The following HS6ST3 variants were observed in gnomAD, a reference collection of about 807,000 sequenced individuals.
HS6ST3 encodes the protein heparan sulfate 6-O-sulfotransferase 3, also known as heparan-sulfate 6-O-sulfotransferase 3.
HS6ST3 carries 12 observed loss-of-function variants against 36.7 expected under a neutral mutation model. The observed-to-expected ratio is 0.33, with a 90% CI of 0.21 to 0.53. The LOEUF (loss-of-function observed/expected upper bound fraction) is 0.53. Ranked by LOEUF, HS6ST3 falls within the 20% of genes least tolerant of loss-of-function variation. HS6ST3 has a pLI of 0.95. For synonymous variants in HS6ST3, 240 were observed against 257.5 expected (o/e 0.93, Z 0.65); for missense variants, 584 against 640.9 (o/e 0.91, Z 0.96).
chr13:96,640,093 G>A (rs1280710556), intron 1 of HS6ST3, among the ~76,000 whole-genome samples: 1 of 151,940 alleles, frequency 6.6e-6, no homozygotes, highest in Non-Finnish European at 1.5e-5. Context: ...TCAGTAATGG[G>A]ATTGCTGGGT....
At chr13:96,112,336 A>G (rs544925465) in intron 1 of HS6ST3, among the ~76,000 whole-genome samples, 3 of 152,110 alleles carry the variant, frequency 2.0e-5, no homozygotes, top group South Asian at 4.1e-4. Context: ...GGGATAATGT[A>G]AAATTGGGCA....
chr13:96,664,443 C>T (rs1594830916), intron 1 of HS6ST3, among the ~76,000 whole-genome samples: 1 of 152,142 alleles, frequency 6.6e-6, no homozygotes, highest in African/African-American at 2.4e-5. Context: ...GCAGAAAATA[C>T]TATCCAAGCC....
At chr13:96,193,813 C>T (rs1478768216) in intron 1 of HS6ST3, among the ~76,000 whole-genome samples, 2 of 152,138 alleles carry the variant, frequency 1.3e-5, no homozygotes, top group Non-Finnish European at 2.9e-5. Context: ...TATGGGATTT[C>T]ATTAAGCCCC....
chr13:96,484,224 A>G (rs1302808067), intron 1 of HS6ST3, among the ~76,000 whole-genome samples: 2 of 152,076 alleles, frequency 1.3e-5, no homozygotes, highest in Non-Finnish European at 2.9e-5. Context: ...ATATATGTGT[A>G]TATTGTGAAA....
chr13:96,191,232 A>G (rs1352332063), intron 1 of HS6ST3, among the ~76,000 whole-genome samples: 1 of 152,138 alleles, frequency 6.6e-6, no homozygotes, highest in Non-Finnish European at 1.5e-5. Context: ...CCTGCTTCCA[A>G]CCTGGTCTCT....
intron 1 of HS6ST3, among the ~76,000 whole-genome samples, chr13:96,426,436 T>C (rs1226340997): frequency 1.3e-5 from 2 of 152,206 alleles, no homozygotes; most frequent in African/African-American, 4.8e-5. Flanking sequence ...ATTGCAGCTT[T>C]CTTGATGTTT....
At chr13:96,808,867 A>G (rs1365252731) in intron 1 of HS6ST3, among the ~76,000 whole-genome samples, 1 of 152,190 alleles carries the variant, frequency 6.6e-6, no homozygotes, top group African/African-American at 2.4e-5. Context: ...AGAGAAGTTA[A>G]CTTGATGCTT....
chr13:96,687,873 CA>C (rs1874829144), intron 1 of HS6ST3, among the ~76,000 whole-genome samples: 1 of 151,972 alleles, frequency 6.6e-6, no homozygotes, highest in Admixed American at 6.6e-5. Flanking sequence ...GACAGTCAAA[CA>C]CTGCATTTGT....
intron 1 of HS6ST3, among the ~76,000 whole-genome samples, chr13:96,634,690 C>T (rs756836751): frequency 6.6e-5 from 10 of 152,096 alleles, no homozygotes; most frequent in South Asian, 2.1e-4. Flanking sequence ...ACTGAGCCTC[C>T]GGGAACTCTC....
At chr13:96,814,069 T>C (rs750697396) in intron 1 of HS6ST3, among the ~76,000 whole-genome samples, 6 of 152,172 alleles carry the variant, frequency 3.9e-5, no homozygotes, top group Non-Finnish European at 8.8e-5. Flanking sequence ...AAATTTGCTC[T>C]CCTGTATGTT....
intron 1 of HS6ST3, among the ~76,000 whole-genome samples, chr13:96,388,504 A>G (rs529764896): frequency 6.6e-6 from 1 of 152,264 alleles, no homozygotes; most frequent in Admixed American, 6.5e-5. Flanking sequence ...CTTTCAAATT[A>G]GAATGGGCCC....
chr13:96,268,235 C>A (rs2054702475), intron 1 of HS6ST3, among the ~76,000 whole-genome samples: 1 of 151,892 alleles, frequency 6.6e-6, no homozygotes, highest in African/African-American at 2.4e-5. Flanking sequence ...TAAAGACATA[C>A]CAGAGACTGG....
At chr13:96,421,495 C>T (rs1170880937) in intron 1 of HS6ST3, among the ~76,000 whole-genome samples, 1 of 152,204 alleles carries the variant, frequency 6.6e-6, no homozygotes, top group African/African-American at 2.4e-5. Context: ...CCAAGCTCCT[C>T]CTGAGCATGG....
chr13:96,146,968 C>T (rs2054061099), intron 1 of HS6ST3, among the ~76,000 whole-genome samples: 1 of 152,146 alleles, frequency 6.6e-6, no homozygotes, highest in Non-Finnish European at 1.5e-5. Context: ...TATCAATAAA[C>T]ACAGGAAAGT....
intron 1 of HS6ST3, among the ~76,000 whole-genome samples, chr13:96,658,287 T>C (rs1443763204): frequency 9.4e-6 from 1 of 106,178 alleles, no homozygotes; most frequent in Non-Finnish European, 1.9e-5. Flanking sequence ...TTTTTTTTTT[T>C]TTTTTTTTTT....
chr13:96,117,711 T>C (rs951919990), intron 1 of HS6ST3, among the ~76,000 whole-genome samples: 2 of 152,188 alleles, frequency 1.3e-5, no homozygotes, highest in Non-Finnish European at 2.9e-5. Context: ...TAAACTATAA[T>C]GTTAAGTGAT....
intron 1 of HS6ST3, among the ~76,000 whole-genome samples, chr13:96,215,046 G>A (rs898351892): frequency 6.6e-6 from 1 of 152,116 alleles, no homozygotes; most frequent in African/African-American, 2.4e-5. Flanking sequence ...AGTGGGAGGG[G>A]GTCGTCAAAC....
Position 96,835,534 on chromosome 13 carries a change from TC to T in HS6ST3, c.*2337del, listed in dbSNP as rs1878904301. ...CTCTCTCTCTCTCTCTAGCTTCTCA[TC>T]TCATTGTTAGGATCTAATGTTCTGC... is the stretch of plus-strand genomic sequence containing the variant. On this transcript the variant is annotated 3_prime_UTR_variant, in exon 2 of 2. Coordinates refer to ENST00000376705, the MANE Select transcript of HS6ST3 (RefSeq NM_153456.4). 1 of 151,644 alleles carries T rather than the reference TC, an allele frequency of 6.6e-6. No individual in the cohort carries two copies. Among genetic ancestry groups the T allele is most frequent in the Non-Finnish European group, 1.5e-5 (1 of 68,008 alleles). The allele number at this position is 151,644 out of a possible 1,614,324, so 9.4% of individuals were successfully genotyped here.
intron 1 of HS6ST3, among the ~76,000 whole-genome samples, chr13:96,633,193 C>G (rs1313771192): frequency 6.6e-6 from 1 of 151,956 alleles, no homozygotes; most frequent in African/African-American, 2.4e-5. Context: ...CCTTGGACTT[C>G]GGCATGGAAA....
Sources: allele counts gnomAD v4.1 joint callset (sites outside exome capture counted in the v4.1 genomes callset), GRCh38; gene constraint gnomAD v4.1.1; transcripts MANE v1.5; gene names NCBI Gene and HGNC (gene_info 2026-07-23, HGNC 2026-07-21).